Variants in THEMIS observed in about 807,000 individuals in gnomAD.
THEMIS encodes the protein protein THEMIS.
In THEMIS, 37 loss-of-function variants were observed where a neutral mutation model predicts 52.6. The ratio of observed to expected loss-of-function variants is 0.70; its 90% CI spans 0.54 to 0.93. The LOEUF is 0.93. THEMIS is among the 40% of genes least tolerant of loss of function. The probability of loss-of-function intolerance (pLI) is 0.00; values close to 1 mark genes in which losing one functional copy is unlikely to be tolerated. For missense variants in THEMIS, 808 were observed against 763.1 expected (o/e 1.06, Z -0.69); for synonymous variants, 292 against 272.7 (o/e 1.07, Z -0.70).
In THEMIS at chr6:127,818,863, T is replaced by C. The variant is rs1485158063; in HGVS notation, c.710-4932A>G. ...GACCAGGTGCGGTGGCTCACGCCTG[T>C]AATCCCAGGACTTTGGGAGGCTGAG... On this transcript the variant is annotated intron_variant, in intron 3 of 5. Transcript: ENST00000368248. Among the ~76,000 whole-genome samples, 3 of 151,862 alleles carry C rather than the reference T, an allele frequency of 2.0e-5. No homozygotes were observed. In the East Asian group the frequency reaches 5.8e-4, roughly 29 times the overall value.
chr6:127,719,907 C>A lies in THEMIS; in HGVS notation c.1759-84G>T, dbSNP rs896456380. ...ATGAAAGATTTATCACATGGCAATTCATTTCTGTATGTCTGAAACAGAACA... is the reference window on the plus strand; with the variant it reads ...ATGAAAGATTTATCACATGGCAATTAATTTCTGTATGTCTGAAACAGAACA... On this transcript the variant is annotated intron_variant, in intron 4 of 5. Coordinates refer to ENST00000368248, the MANE Select transcript of THEMIS (RefSeq NM_001010923.3). 7.3e-6 allele frequency: 11 copies of A among 1,513,368 alleles called. No homozygotes were observed. In the South Asian group the frequency reaches 1.2e-4, roughly 17 times the overall value. The allele number at this position is 1,513,368 out of a possible 1,614,324, so 93.7% of individuals were successfully genotyped here.
intron 1 of THEMIS, among the ~76,000 whole-genome samples, chr6:127,897,112 A>G (rs894063702): frequency 2.0e-5 from 3 of 151,470 alleles, no homozygotes; most frequent in Non-Finnish European, 4.4e-5. Context: ...TAGAAGAGAA[A>G]AATAAATATT....
downstream of THEMIS, among the ~76,000 whole-genome samples, chr6:127,704,237 A>G (rs1280428751): frequency 6.6e-6 from 1 of 152,186 alleles, no homozygotes; most frequent in Non-Finnish European, 1.5e-5. Flanking sequence ...AGCATATGCC[A>G]CACTTGAATA....
chr6:127,903,682 T>C (rs1781201870), upstream of THEMIS, among the ~76,000 whole-genome samples: 1 of 151,442 alleles, frequency 6.6e-6, no homozygotes, highest in African/African-American at 2.4e-5. Context: ...ATAATATATT[T>C]GACAACTAAC....
chr6:127,799,561 T>TTCTA (rs1456176028), intron 4 of THEMIS, among the ~76,000 whole-genome samples: 4 of 135,632 alleles, frequency 2.9e-5, no homozygotes, highest in Non-Finnish European at 4.5e-5. Context: ...CTATCTTTCT[T>TTCTA]TCTTTCTTTC....
At chr6:127,877,609 A>G (rs554899030) in intron 1 of THEMIS, among the ~76,000 whole-genome samples, 45 of 152,322 alleles carry the variant, frequency 3.0e-4, no homozygotes, top group African/African-American at 1.1e-3. Flanking sequence ...AGTTGGACAC[A>G]CAACATTTAT....
chr6:127,751,292 A>G (rs937708526), intron 4 of THEMIS, among the ~76,000 whole-genome samples: 1 of 151,760 alleles, frequency 6.6e-6, no homozygotes, highest in Non-Finnish European at 1.5e-5. Context: ...CTTAAAATAG[A>G]CTGTTATAAC....
intron 2 of THEMIS, among the ~76,000 whole-genome samples, chr6:127,854,197 C>G (rs1374832726): frequency 2.6e-5 from 4 of 151,696 alleles, no homozygotes; most frequent in African/African-American, 9.7e-5. Flanking sequence ...TGAGTCAAAT[C>G]CTGCTTGTCA....
chr6:127,699,154 G>C, the THEMIS span, among the ~76,000 whole-genome samples: 2 of 151,706 alleles, frequency 1.3e-5, no homozygotes, highest in Non-Finnish European at 3.0e-5. Flanking sequence ...CCCTCCCCAA[G>C]TCTTTGGGAG....
At chr6:127,853,833 G>A (rs1449653092) in intron 2 of THEMIS, among the ~76,000 whole-genome samples, 1 of 151,574 alleles carries the variant, frequency 6.6e-6, no homozygotes, top group African/African-American at 2.4e-5. Flanking sequence ...TTACATGAAA[G>A]GAGGGTAAAT....
At chr6:127,876,422 C>T (rs1482035595) in intron 1 of THEMIS, among the ~76,000 whole-genome samples, 1 of 152,184 alleles carries the variant, frequency 6.6e-6, no homozygotes, top group Non-Finnish European at 1.5e-5. Context: ...TTGTTTCTTA[C>T]ATCAAATGGT....
intron 1 of THEMIS, among the ~76,000 whole-genome samples, chr6:127,857,419 T>C (rs1779653213): frequency 6.6e-6 from 1 of 151,938 alleles, no homozygotes; most frequent in East Asian, 1.9e-4. Context: ...TCTGGAAACT[T>C]CAAGTACTTT....
chr6:127,847,917 A>ATTAT (rs896498039), intron 2 of THEMIS, among the ~76,000 whole-genome samples: 10 of 149,324 alleles, frequency 6.7e-5, no homozygotes, highest in Non-Finnish European at 1.3e-4. Context: ...TATTATTATT[A>ATTAT]TCATTATTAT....
intron 4 of THEMIS, among the ~76,000 whole-genome samples, chr6:127,777,510 CT>C (rs1191719651): frequency 6.6e-6 from 1 of 152,100 alleles, no homozygotes; most frequent in East Asian, 1.9e-4. Context: ...TGTCATATCA[CT>C]ACATAGCCTA....
intron 1 of THEMIS, among the ~76,000 whole-genome samples, chr6:127,874,452 A>G (rs1015660097): frequency 4.6e-5 from 7 of 152,216 alleles, no homozygotes; most frequent in African/African-American, 1.7e-4. Flanking sequence ...ATACGATAAA[A>G]TAGATTAGTA....
At chr6:127,744,918 T>C (rs569922045) in intron 4 of THEMIS, among the ~76,000 whole-genome samples, 5 of 152,030 alleles carry the variant, frequency 3.3e-5, no homozygotes, top group African/African-American at 1.2e-4. Context: ...ATCACCTTGA[T>C]TGAGATATAA....
rs569637453 is a variant in THEMIS, at chr6:127,752,378, G to T, written c.1759-32555C>A. Among the ~76,000 whole-genome samples, 324 of 126,244 alleles carry T rather than the reference G, an allele frequency of 2.6e-3. 1 individual carries two copies. The highest frequency in any genetic ancestry group is 6.8e-3 in the African/African-American group (249 of 36,398). The allele number at this position is 126,244 out of a possible 152,430, so 82.8% of individuals were successfully genotyped here. On this transcript the variant is annotated intron_variant, in intron 4 of 5. Transcript: ENST00000368248. ...GAAACGAAGAGTTTTTTTTTTTTTT[G>T]GAAAAATAAAATTAGCAAACCTTTA...
At chr6:127,886,049 C>T (rs1780635160) in intron 1 of THEMIS, among the ~76,000 whole-genome samples, 2 of 152,114 alleles carry the variant, frequency 1.3e-5, no homozygotes, top group Admixed American at 1.3e-4. Flanking sequence ...ATCACTCTCC[C>T]CCTCCTTCCA....
chr6:127,751,948 C>T (rs1775658249), intron 4 of THEMIS, among the ~76,000 whole-genome samples: 1 of 151,452 alleles, frequency 6.6e-6, no homozygotes, highest in South Asian at 2.1e-4. Context: ...TATATTAGAC[C>T]ACAAAACAAG....
Sources: allele counts gnomAD v4.1 joint callset (sites outside exome capture counted in the v4.1 genomes callset), GRCh38; gene constraint gnomAD v4.1.1; transcripts MANE v1.5; gene names NCBI Gene and HGNC (gene_info 2026-07-23, HGNC 2026-07-21).